Variants in CSTF3 observed in about 807,000 individuals in gnomAD.
The protein encoded by CSTF3 is cleavage stimulation factor subunit 3.
A neutral mutation model predicts 105.8 loss-of-function variants in CSTF3; 29 were observed. That is an observed-to-expected ratio of 0.27 (90% confidence interval 0.20 to 0.37). The LOEUF is 0.37. Among genes scored for constraint, CSTF3 ranks in the 10% least tolerant of loss-of-function variants. CSTF3 has a pLI of 1.00. For synonymous variants in CSTF3, 252 were observed against 281.9 expected (o/e 0.89, Z 1.06); for missense variants, 357 against 879.3 (o/e 0.41, Z 7.51).
Position 33,123,246 on chromosome 11 carries a change from G to C in CSTF3, c.226-14828C>G, listed in dbSNP as rs1318425635. Among the ~76,000 whole-genome samples the C allele has an allele frequency of 2.0e-5, 3 of 151,042 alleles. No homozygotes were observed. The East Asian group carries it at 5.8e-4, about 29-fold the overall frequency. On this transcript the variant is annotated intron_variant, in intron 3 of 20. Transcript: ENST00000323959. ...AGTTCTCAGAAAAAGAAATCCAAAG[G>C]GCTCTTAAAAATGAAAATATGCTCA... is the stretch of plus-strand genomic sequence containing the variant.
Position 33,154,910 on chromosome 11 carries a change from T to C in CSTF3, c.27+6389A>G, listed in dbSNP as rs186565072. Among the ~76,000 whole-genome samples the C allele has an allele frequency of 2.6e-5, 4 of 152,326 alleles. No homozygotes were observed. The East Asian group carries it at 7.7e-4, about 29-fold the overall frequency. Reference sequence around the variant, plus strand: ...CCGGATATTAGGACCAGATGTCAGCTTAGTTCTGTGTTCCTTTACCAATGC... The same window carrying C: ...CCGGATATTAGGACCAGATGTCAGCCTAGTTCTGTGTTCCTTTACCAATGC... On this transcript the variant is annotated intron_variant, in intron 1 of 20. Transcript: ENST00000323959.
Position 33,099,048 on chromosome 11 carries a change from C to T in CSTF3, c.1039G>A (p.Ala347Thr). Residue 347 changes from alanine to threonine, a missense_variant, in exon 12 of 21, where the codon GCA (alanine) becomes ACA (threonine). Transcript: ENST00000323959. The surrounding 1 kb of genome is among the most constrained non-coding windows in gnomAD (Gnocchi z 4.1). ...KKNMLLYFAY[A>T]DYEESRMKYE... ...TTTTTACTTACCTCTTCATAATCTG[C>T]ATATGCAAAATAAAGAAGCATATTC... is the stretch of plus-strand genomic sequence containing the variant. The T allele has an allele frequency of 2.5e-6, 4 of 1,571,448 alleles. No homozygotes were observed. The highest frequency in any genetic ancestry group is 3.4e-6 in the Non-Finnish European group (4 of 1,170,422).
At chr11:33,112,583 C>G (rs1323156658) in intron 3 of CSTF3, among the ~76,000 whole-genome samples, 1 of 152,060 alleles carries the variant, frequency 6.6e-6, no homozygotes, top group Non-Finnish European at 1.5e-5. Flanking sequence ...ATAATTGGCC[C>G]ATTTGATGCA....
chr11:33,154,779 G>A (rs1001267637), intron 1 of CSTF3, among the ~76,000 whole-genome samples: 2 of 152,102 alleles, frequency 1.3e-5, no homozygotes, highest in African/African-American at 2.4e-5. Context: ...ACAGACAGGC[G>A]TGAGCCACGG....
At chr11:33,118,421 A>G (rs1174047380) in intron 3 of CSTF3, among the ~76,000 whole-genome samples, 1 of 151,952 alleles carries the variant, frequency 6.6e-6, no homozygotes, top group Non-Finnish European at 1.5e-5. Flanking sequence ...AACTCTGTAA[A>G]TAACTTGTCA....
chr11:33,137,768 AT>A (rs965674026), intron 3 of CSTF3, among the ~76,000 whole-genome samples: 7 of 121,882 alleles, frequency 5.7e-5, no homozygotes, highest in Middle Eastern at 5.2e-3. Flanking sequence ...AAGAGTACAG[AT>A]TTTTTTTGGT....
chr11:33,105,440 G>T, intron 8 of CSTF3, 127 bp downstream of exon 8: 1 of 898,212 alleles, frequency 1.1e-6, no homozygotes, highest in Non-Finnish European at 1.7e-6. Flanking sequence ...AAACATTATA[G>T]TGCTTTCATT....
chr11:33,107,820 G>T, intron 5 of CSTF3, 83 bp downstream of exon 5: 1 of 721,236 alleles, frequency 1.4e-6, no homozygotes, highest in Non-Finnish European at 2.3e-6. Flanking sequence ...TCCCACTTGG[G>T]GCTAACAGAA....
chr11:33,143,981 G>A (rs1328693630), intron 1 of CSTF3, among the ~76,000 whole-genome samples: 1 of 151,932 alleles, frequency 6.6e-6, no homozygotes, highest in African/African-American at 2.4e-5. Context: ...CAGAGACTAC[G>A]TCTCAAAAAA....
At chr11:33,141,313 T>C (rs1471883552) in intron 3 of CSTF3, 2 of 326,730 alleles carry the variant, frequency 6.1e-6, no homozygotes, top group Non-Finnish European at 4.8e-6. Context: ...TATTTTCATA[T>C]ACTCCCATTC....
intron 15 of CSTF3, among the ~76,000 whole-genome samples, chr11:33,095,966 T>C (rs994883417): frequency 9.2e-5 from 14 of 152,088 alleles, no homozygotes; most frequent in Non-Finnish European, 1.8e-4. Flanking sequence ...AGAGGGTTTT[T>C]TGTTTGTTTG....
chr11:33,145,468 G>A (rs781405438), intron 1 of CSTF3, among the ~76,000 whole-genome samples: 1 of 151,928 alleles, frequency 6.6e-6, no homozygotes, highest in Non-Finnish European at 1.5e-5. Context: ...AAAAAAAAGG[G>A]CAAAGCATAT....
intron 3 of CSTF3, among the ~76,000 whole-genome samples, chr11:33,130,772 G>A (rs534891824): frequency 5.3e-5 from 8 of 152,242 alleles, no homozygotes; most frequent in African/African-American, 1.7e-4. Context: ...ATTGAGTCCA[G>A]GAGTTCAAGA....
At chr11:33,095,806 C>T (rs1855215675) in intron 15 of CSTF3, among the ~76,000 whole-genome samples, 1 of 124,306 alleles carries the variant, frequency 8.0e-6, no homozygotes, top group South Asian at 2.9e-4. Flanking sequence ...TGGGCGACAG[C>T]GAGACTCTGT....
Position 33,098,761 on chromosome 11 carries a change from G to A in CSTF3, c.1057C>T (p.Arg353Cys). Residue 353 changes from arginine (R) to cysteine (C), a missense_variant, in exon 13 of 21, where the codon CGC becomes TGC. By Grantham distance (180) the Arg-to-Cys change is radical (BLOSUM62 -3). This residue lies in a region of CSTF3 where 206 missense variants were observed against 576.5 expected (regional missense o/e 0.36). Coordinates refer to ENST00000323959, the MANE Select transcript of CSTF3 (RefSeq NM_001326.3). ...YFAYADYEES[R>C]MKYEKVHSIY... ...CTGTGAACCTTTTCATACTTCATGC[G>A]ACTCTAAGGTGGTACAGAAGAAGTG... 6.5e-7 allele frequency: 1 copy of A among 1,527,506 alleles called. No homozygotes were observed. Among genetic ancestry groups the A allele is most frequent in the Non-Finnish European group, 8.7e-7 (1 of 1,146,308 alleles). The allele number at this position is 1,527,506 out of a possible 1,614,324, so 94.6% of individuals were successfully genotyped here.
intron 3 of CSTF3, among the ~76,000 whole-genome samples, chr11:33,119,814 T>C (rs1345181922): frequency 1.3e-5 from 2 of 151,834 alleles, no homozygotes; most frequent in African/African-American, 4.8e-5. Context: ...TTCTCAATCC[T>C]ATATGGATAG....
intron 3 of CSTF3, among the ~76,000 whole-genome samples, chr11:33,136,661 C>G (rs1855656497): frequency 3.9e-5 from 6 of 151,954 alleles, no homozygotes; most frequent in Admixed American, 3.9e-4. Context: ...ATGCTCAGCA[C>G]TGTAAAAAGT....
chr11:33,094,220 A>G (rs919505519), intron 15 of CSTF3, among the ~76,000 whole-genome samples: 3 of 152,240 alleles, frequency 2.0e-5, no homozygotes, highest in African/African-American at 7.2e-5. Context: ...TAAGTGAAAC[A>G]CATGCAAAAA....
intron 1 of CSTF3, among the ~76,000 whole-genome samples, chr11:33,149,655 G>A (rs1272518028): frequency 6.6e-6 from 1 of 152,142 alleles, no homozygotes; most frequent in African/African-American, 2.4e-5. Flanking sequence ...AGGCCGAGAC[G>A]GGCAGATCAC....
Sources: allele counts gnomAD v4.1 joint callset (sites outside exome capture counted in the v4.1 genomes callset), GRCh38; gene constraint gnomAD v4.1.1; regional missense constraint gnomAD v4.1.1; non-coding constraint Gnocchi (gnomAD v3.1); transcripts MANE v1.5; gene names NCBI Gene and HGNC (gene_info 2026-07-23, HGNC 2026-07-21).